Variants in FBN2 observed in about 807,000 individuals in gnomAD.
FBN2 encodes fibrillin 2, also known as fibrillin-2.
A neutral mutation model predicts 355.6 loss-of-function variants in FBN2; 105 were observed. That is an observed-to-expected ratio of 0.30 (90% confidence interval 0.25 to 0.35). The LOEUF (loss-of-function observed/expected upper bound fraction) is 0.35, where lower values mean the gene tolerates loss of function less well. FBN2 is among the 10% of genes least tolerant of loss of function. The pLI is 1.00. For missense variants in FBN2, 3,280 were observed against 3,758.7 expected (o/e 0.87, Z 3.33); for synonymous variants, 1,350 against 1,301.2 (o/e 1.04, Z -0.81).
chr5:128,354,285 T>C (rs958813839), intron 20 of FBN2, among the ~76,000 whole-genome samples: 3 of 152,162 alleles, frequency 2.0e-5, no homozygotes, highest in Non-Finnish European at 4.4e-5. Context: ...GGTGGGCATG[T>C]GTCTGACGCA....
chr5:128,532,296 A>C (rs145227997), intron 2 of FBN2, among the ~76,000 whole-genome samples: 1 of 152,190 alleles, frequency 6.6e-6, no homozygotes, highest in African/African-American at 2.4e-5. Flanking sequence ...GGGAGAGTCA[A>C]AGCCTCCTGC....
At chr5:128,513,675 A>G (rs893810011) in intron 5 of FBN2, among the ~76,000 whole-genome samples, 1 of 152,238 alleles carries the variant, frequency 6.6e-6, no homozygotes, top group Non-Finnish European at 1.5e-5. Flanking sequence ...GGCCTCTCCC[A>G]GGTAGATCAA....
chr5:128,296,922 G>T (rs1024651390), intron 48 of FBN2, among the ~76,000 whole-genome samples: 1 of 151,966 alleles, frequency 6.6e-6, no homozygotes, highest in Non-Finnish European at 1.5e-5. Flanking sequence ...TCTTTTAATT[G>T]TGATGTTAGG....
At chr5:128,368,430 A>G (rs140872511) in intron 16 of FBN2, among the ~76,000 whole-genome samples, 9,110 of 138,714 alleles carry the variant, frequency 0.066, 978 homozygotes, top group African/African-American at 0.23. Flanking sequence ...GTATATATAT[A>G]TATACACATA....
intron 2 of FBN2, among the ~76,000 whole-genome samples, chr5:128,532,833 C>T (rs1018557762): frequency 9.9e-5 from 15 of 152,096 alleles, no homozygotes; most frequent in African/African-American, 3.6e-4. Flanking sequence ...ATCACTTGAG[C>T]CTAGAAGTTG....
At chr5:128,533,794 C>T (rs1301032035) in intron 2 of FBN2, among the ~76,000 whole-genome samples, 3 of 151,900 alleles carry the variant, frequency 2.0e-5, no homozygotes, top group Non-Finnish European at 4.4e-5. Flanking sequence ...AAATACTGTT[C>T]ATAGCATAAT....
In FBN2 at chr5:128,305,089, C is replaced by CA. The variant is rs767398234; in HGVS notation, c.5675-8dup. Reference sequence around the variant, plus strand: ...TCTAAACATTCATTGCGATCTAAAACAGAAAAAAATAAATGTTACATGTAT... The same window carrying CA: ...TCTAAACATTCATTGCGATCTAAAACAAGAAAAAAATAAATGTTACATGTAT... On this transcript the variant is annotated splice_region_variant and splice_polypyrimidine_tract_variant and intron_variant, in intron 44 of 64. Coordinates refer to ENST00000262464, the MANE Select transcript of FBN2 (RefSeq NM_001999.4). The CA allele has an allele frequency of 3.0e-4, 473 of 1,568,834 alleles. No individual in the cohort carries two copies. Among genetic ancestry groups the CA allele is most frequent in the African/African-American group, 1.7e-3 (125 of 72,268 alleles).
In FBN2 at chr5:128,287,353, A is replaced by C; in HGVS notation, c.6835T>G (p.Cys2279Gly). 6.2e-6 allele frequency: 10 copies of C among 1,614,056 alleles called. No individual in the cohort carries two copies. The highest frequency in any genetic ancestry group is 8.5e-6 in the Non-Finnish European group (10 of 1,179,952). ...MNTFGSYECT[C>G]PIGYALREDQ... ...TCCCTGAGGGCATAGCCAATCGGGCACGTGCATTCATAGGACCCAAAAGTG... is the reference window on the plus strand; with the variant it reads ...TCCCTGAGGGCATAGCCAATCGGGCCCGTGCATTCATAGGACCCAAAAGTG... The change falls in exon 54 of 65, where the codon TGC (cysteine) becomes GGC (glycine). Residue 2279 changes from cysteine to glycine, a missense_variant. By Grantham distance (159) the Cys-to-Gly change is radical. Coordinates refer to ENST00000262464, the MANE Select transcript of FBN2 (RefSeq NM_001999.4).
rs184705040 is a variant in FBN2 at position 128,270,356 on chromosome 5, C to T, written c.7960+1643G>A. ...AGCCTTGGCCAACATGGTGAAACCC[C>T]GTTTCTACTAAAAATACAAAAAATG... On this transcript the variant is annotated intron_variant, in intron 62 of 64. Transcript: ENST00000262464. Among the ~76,000 whole-genome samples the T allele has an allele frequency of 5.5e-4, 83 of 152,144 alleles. 1 individual carries two copies. The highest frequency in any genetic ancestry group is 1.4e-3 in the African/African-American group (58 of 41,486).
chr5:128,520,589 A>C (rs1230300021), intron 4 of FBN2, among the ~76,000 whole-genome samples: 3 of 152,184 alleles, frequency 2.0e-5, no homozygotes, highest in Non-Finnish European at 2.9e-5. Flanking sequence ...TTTCCTTATC[A>C]GGTATGTTGA....
At chr5:128,416,894 A>T (rs1387873765) in intron 7 of FBN2, among the ~76,000 whole-genome samples, 1 of 152,292 alleles carries the variant, frequency 6.6e-6, no homozygotes, top group East Asian at 1.9e-4. Context: ...GAAAAATGAC[A>T]TTCATATTTT....
intron 27 of FBN2, among the ~76,000 whole-genome samples, chr5:128,336,763 A>G (rs2126899866): frequency 6.6e-6 from 1 of 152,340 alleles, no homozygotes. Context: ...TTAAAAATAA[A>G]CTAGTACCAA....
chr5:128,270,405 TG>T (rs1157651152), intron 62 of FBN2, among the ~76,000 whole-genome samples: 1 of 152,120 alleles, frequency 6.6e-6, no homozygotes, highest in Non-Finnish European at 1.5e-5. Context: ...GGCAGACTCC[TG>T]TAATCCCAGC....
At chr5:128,326,154 C>T (rs1349037194) in intron 34 of FBN2, among the ~76,000 whole-genome samples, 2 of 152,172 alleles carry the variant, frequency 1.3e-5, no homozygotes, top group African/African-American at 4.8e-5. Flanking sequence ...TCTGCTCTTT[C>T]AAGAGCTTCT....
At chr5:128,349,268 G>T (rs1382084358) in intron 23 of FBN2, 79 bp downstream of exon 23, 1 of 1,550,246 alleles carries the variant, frequency 6.5e-7, no homozygotes, top group Non-Finnish European at 8.9e-7. Context: ...AACTCTTGTG[G>T]TTTTGGACTA....
At chr5:128,427,584 T>G (rs928391080) in intron 7 of FBN2, among the ~76,000 whole-genome samples, 2 of 152,194 alleles carry the variant, frequency 1.3e-5, no homozygotes, top group Non-Finnish European at 2.9e-5. Context: ...CAATTTTAAA[T>G]AAAGCTGCTC....
chr5:128,333,271 G>A (rs2126892567), intron 31 of FBN2, among the ~76,000 whole-genome samples: 1 of 152,220 alleles, frequency 6.6e-6, no homozygotes, highest in East Asian at 1.9e-4. Flanking sequence ...TCCAGTAGAA[G>A]AGAGAGAGAC....
chr5:128,464,565 G>T (rs984291149), intron 6 of FBN2, among the ~76,000 whole-genome samples, 159 bp downstream of exon 6: 4 of 152,088 alleles, frequency 2.6e-5, no homozygotes, highest in Non-Finnish European at 4.4e-5. Flanking sequence ...TCATTAGGTG[G>T]CTAAAAGATA....
intron 5 of FBN2, among the ~76,000 whole-genome samples, chr5:128,466,800 C>T (rs184312659): frequency 5.9e-5 from 9 of 152,240 alleles, no homozygotes; most frequent in African/African-American, 1.2e-4. Context: ...TTGGAGTATA[C>T]GTGAAGATAT....
Sources: allele counts gnomAD v4.1 joint callset (sites outside exome capture counted in the v4.1 genomes callset), GRCh38; gene constraint gnomAD v4.1.1; transcripts MANE v1.5; gene names NCBI Gene and HGNC (gene_info 2026-07-23, HGNC 2026-07-21).